Variants in MPPED2 observed in about 807,000 individuals in gnomAD.
MPPED2 encodes metallophosphoesterase domain containing 2.
A neutral mutation model predicts 33.0 loss-of-function variants in MPPED2; 5 were observed. The observed-to-expected ratio is 0.15, with a 90% CI of 0.08 to 0.32. MPPED2 has a LOEUF of 0.32. Among genes scored for constraint, MPPED2 ranks in the 10% least tolerant of loss-of-function variants. The pLI, the probability that MPPED2 is intolerant of heterozygous loss-of-function variation, is 1.00. For missense variants in MPPED2, 275 were observed against 372.1 expected (o/e 0.74, Z 2.15); for synonymous variants, 136 against 141.9 (o/e 0.96, Z 0.29).
chr11:30,568,732 T>G, intron 2 of MPPED2, among the ~76,000 whole-genome samples: 1 of 152,174 alleles, frequency 6.6e-6, no homozygotes, highest in Non-Finnish European at 1.5e-5. Flanking sequence ...GCAAAACCCC[T>G]TATTTAAAGT....
intron 1 of MPPED2, among the ~76,000 whole-genome samples, chr11:30,581,504 C>A (rs1957164315): frequency 6.6e-6 from 1 of 152,152 alleles, no homozygotes; most frequent in Non-Finnish European, 1.5e-5. Flanking sequence ...CCTTGGGTAA[C>A]CCTTAGGTAA....
downstream of MPPED2, among the ~76,000 whole-genome samples, chr11:30,408,133 G>A (rs192474348): frequency 1.1e-3 from 173 of 152,310 alleles, no homozygotes; most frequent in African/African-American, 4.1e-3. Context: ...GCACTAGTCC[G>A]AGGTGGGGCC....
chr11:30,452,804 C>T (rs56054706), intron 4 of MPPED2, among the ~76,000 whole-genome samples: 4,109 of 152,120 alleles, frequency 0.027, 94 homozygotes, highest in Admixed American at 0.063. Context: ...AAGAGAGCAT[C>T]GCTAAGTTTC....
At chr11:30,488,377 T>C (rs901072948) in intron 4 of MPPED2, among the ~76,000 whole-genome samples, 1 of 152,226 alleles carries the variant, frequency 6.6e-6, no homozygotes, top group Non-Finnish European at 1.5e-5. Flanking sequence ...ACGGTTGCTA[T>C]GAAGCATAAT....
At position 30,501,774 on chromosome 11, in the gene MPPED2, A is replaced by G. The variant is rs528115944; in HGVS notation, c.311-6253T>C. The G allele has an allele frequency of 2.3e-5, 4 of 176,452 alleles. No homozygotes were observed. The South Asian group carries it at 7.6e-4, about 34-fold the overall frequency. 10.9% of individuals were successfully genotyped at this position (176,452 alleles called of 1,614,324 possible). On this transcript the variant is annotated intron_variant, in intron 3 of 6. Coordinates refer to ENST00000358117, the MANE Select transcript of MPPED2 (RefSeq NM_001584.3). ...GCTATGCACATGTCTGATGAACTCT[A>G]TAACAATGTTAAAACAAACACATAG...
intron 6 of MPPED2, among the ~76,000 whole-genome samples, chr11:30,402,523 T>G (rs964768059): frequency 2.0e-5 from 3 of 152,122 alleles, no homozygotes; most frequent in Non-Finnish European, 2.9e-5. Flanking sequence ...TACTCACCTG[T>G]CCTGAGATCA....
chr11:30,536,565 AG>A (rs1177952097), intron 2 of MPPED2, among the ~76,000 whole-genome samples: 2 of 152,218 alleles, frequency 1.3e-5, no homozygotes, highest in African/African-American at 4.8e-5. Context: ...ATTAGGAAAT[AG>A]ATAACTAATT....
At position 30,500,483 on chromosome 11, in the gene MPPED2, G is replaced by A. The variant is rs572704443; in HGVS notation, c.311-4962C>T. On this transcript the variant is annotated intron_variant, in intron 3 of 6. Coordinates refer to ENST00000358117, the MANE Select transcript of MPPED2 (RefSeq NM_001584.3). The stretch of plus-strand genomic sequence containing the variant: ...TATTACAATTTAAACTGTGGACGCA[G>A]CATGGGGATAAGAATGGGGACTCTG... 5.3e-5 allele frequency among the ~76,000 whole-genome samples: 8 copies of A among 152,300 alleles called. No individual in the cohort carries two copies. The East Asian group carries it at 1.2e-3, about 22-fold the overall frequency.
intron 3 of MPPED2, among the ~76,000 whole-genome samples, chr11:30,509,739 C>G (rs906393723): frequency 2.0e-5 from 3 of 152,170 alleles, no homozygotes; most frequent in Non-Finnish European, 4.4e-5. Flanking sequence ...ACCTTTTATC[C>G]TTTAATTCCA....
In MPPED2 at chr11:30,535,842, T is replaced by G; in HGVS notation, c.310+152A>C. On this transcript the variant is annotated intron_variant, in intron 3 of 6. Transcript: ENST00000358117. ...TAAATATCTAAAAATTCATCTTTAA[T>G]TAACAGAATTGGATTAAAGCTAGAC... The G allele has an allele frequency of 7.2e-6, 4 of 558,406 alleles. No individual in the cohort carries two copies. The Admixed American group carries it at 1.5e-4, about 21-fold the overall frequency. 34.6% of individuals were successfully genotyped at this position (558,406 alleles called of 1,614,324 possible).
intron 4 of MPPED2, among the ~76,000 whole-genome samples, chr11:30,479,820 T>C (rs1233236294): frequency 6.6e-6 from 1 of 152,028 alleles, no homozygotes; most frequent in African/African-American, 2.4e-5. Flanking sequence ...AGTGCCTTTT[T>C]TAGAAAATAA....
At chr11:30,462,063 A>T (rs938402873) in intron 4 of MPPED2, among the ~76,000 whole-genome samples, 3 of 152,222 alleles carry the variant, frequency 2.0e-5, no homozygotes, top group African/African-American at 7.2e-5. Flanking sequence ...GACCAGGGGA[A>T]ATACTGCAGC....
At chr11:30,409,393 A>G (rs76810982), downstream of MPPED2, among the ~76,000 whole-genome samples, 339 of 152,320 alleles carry the variant, frequency 2.2e-3, 2 homozygotes, top group African/African-American at 7.7e-3. Flanking sequence ...CCCTCTGGGA[A>G]GCCCATGGGA....
chr11:30,452,527 G>A (rs1216846505), intron 4 of MPPED2, among the ~76,000 whole-genome samples: 1 of 152,180 alleles, frequency 6.6e-6, no homozygotes, highest in Admixed American at 6.5e-5. Flanking sequence ...CAAAATCACT[G>A]CAGTGTTTGT....
intron 3 of MPPED2, among the ~76,000 whole-genome samples, chr11:30,534,897 T>C (rs1258864034): frequency 2.0e-5 from 3 of 152,204 alleles, no homozygotes; most frequent in Non-Finnish European, 4.4e-5. Flanking sequence ...GCCATGCTGC[T>C]ATTAAAAAGA....
intron 4 of MPPED2, among the ~76,000 whole-genome samples, chr11:30,432,393 C>T (rs1313792000): frequency 5.3e-5 from 8 of 151,600 alleles, no homozygotes; most frequent in African/African-American, 2.0e-4. Context: ...GAACATTGTG[C>T]AAGGTTTTCT....
intron 3 of MPPED2, among the ~76,000 whole-genome samples, chr11:30,498,863 A>C (rs1280382599): frequency 1.3e-5 from 2 of 152,210 alleles, no homozygotes; most frequent in Admixed American, 6.5e-5. Context: ...CAATGGTAGG[A>C]AGTGAATTAA....
chr11:30,484,802 GC>G (rs1454200928), intron 4 of MPPED2, among the ~76,000 whole-genome samples: 2 of 152,110 alleles, frequency 1.3e-5, no homozygotes, highest in East Asian at 3.9e-4. Context: ...AACCTGCCAT[GC>G]AAAGAAACTG....
intron 4 of MPPED2, among the ~76,000 whole-genome samples, chr11:30,420,908 T>C (rs1490952485): frequency 6.6e-6 from 1 of 152,060 alleles, no homozygotes; most frequent in African/African-American, 2.4e-5. Flanking sequence ...GTTTTAAAAG[T>C]AAAAACAAAA....
Sources: allele counts gnomAD v4.1 joint callset (sites outside exome capture counted in the v4.1 genomes callset), GRCh38; gene constraint gnomAD v4.1.1; transcripts MANE v1.5; gene names NCBI Gene and HGNC (gene_info 2026-07-23, HGNC 2026-07-21).